TSPAN3: variants seen among roughly 807,000 people sequenced by gnomAD.
TSPAN3 encodes the protein tetraspanin-3.
In TSPAN3, 9 loss-of-function variants were observed where a neutral mutation model predicts 31.1. That is an observed-to-expected ratio of 0.29 (90% CI 0.17 to 0.50). The LOEUF is 0.50. TSPAN3 is among the 20% of genes least tolerant of loss of function. TSPAN3 has a pLI of 0.98. For missense variants in TSPAN3, 252 were observed against 313.5 expected (o/e 0.80, Z 1.48); for synonymous variants, 129 against 114.3 (o/e 1.13, Z -0.82).
At position 77,042,349 on chromosome 15, in the gene TSPAN3, CAAG is replaced by C. The variant is rs1457753503; in HGVS notation, c.*4483_*4485del. On this transcript the variant is annotated 3_prime_UTR_variant, in exon 7 of 7. Coordinates refer to ENST00000267970, the MANE Select transcript of TSPAN3 (RefSeq NM_005724.6). ...CAAGCTCTGTCAATCATCTATAGGA[CAAG>C]AAGCAAAGACACCCCAGCTGCAATA... 1 of 152,176 alleles carries C rather than the reference CAAG, an allele frequency of 6.6e-6. No homozygotes were observed. The highest frequency in any genetic ancestry group is 1.9e-4 in the East Asian group (1 of 5,194). The allele number at this position is 152,176 out of a possible 1,614,324, so 9.4% of individuals were successfully genotyped here.
In TSPAN3 at chr15:77,041,812, T is replaced by C. The variant is rs2076661540; in HGVS notation, c.*5023A>G. 1 of 152,200 alleles carries C rather than the reference T, an allele frequency of 6.6e-6. No homozygotes were observed. The highest frequency in any genetic ancestry group is 2.1e-4 in the South Asian group (1 of 4,836). The allele number at this position is 152,200 out of a possible 1,614,324, so 9.4% of individuals were successfully genotyped here. A position where few individuals can be genotyped will look rare whatever the true frequency, so the allele number is the denominator to read the frequency against. On this transcript the variant is annotated 3_prime_UTR_variant, in exon 7 of 7. Transcript: ENST00000267970. Reference sequence around the variant, plus strand: ...AGATACAGGCAGTGGTTCTATAGCATGGTGAATGTACTCAAGGCAACTTCT... The same window carrying C: ...AGATACAGGCAGTGGTTCTATAGCACGGTGAATGTACTCAAGGCAACTTCT...
In TSPAN3 at chr15:77,054,194, T is replaced by C. The variant is rs748648249; in HGVS notation, c.416A>G (p.Asp139Gly). 1.2e-6 allele frequency: 2 copies of C among 1,613,920 alleles called. No homozygotes were observed. The highest frequency in any genetic ancestry group is 1.7e-6 in the Non-Finnish European group (2 of 1,179,864). ...TNPDAASRAI[D>G]YVQRQLHCCG... The stretch of plus-strand genomic sequence containing the variant: ...AAAGCTCACCTGTCTCTGTACATAA[T>C]CAATAGCCCGGCTAGCAGCATCAGG... Residue 139 changes from aspartate to glycine, a missense_variant, in exon 4 of 7, where the codon GAT becomes GGT. Asp to Gly is a moderately conservative substitution (Grantham distance 94). Transcript: ENST00000267970.
chr15:77,070,400 G>C (rs1174133409), intron 1 of TSPAN3, among the ~76,000 whole-genome samples: 1 of 152,190 alleles, frequency 6.6e-6, no homozygotes, highest in Non-Finnish European at 1.5e-5. Flanking sequence ...CACAAAGGGC[G>C]TTAAGTGGAA....
At position 77,070,895 on chromosome 15, in the gene TSPAN3, G is replaced by A. The variant is rs926058486; in HGVS notation, c.60C>T (p.Phe20=). ...CGCTCTGCCCGGCCCCGCTCACCCA[G>A]AAGATGAGGTTGAGAAAGACCAGCA... ...KTVLVFLNLI[F]WGAAGILCYV... Residue 20 remains phenylalanine, a synonymous_variant, in exon 1 of 7, where the codon TTC becomes TTT. Transcript: ENST00000267970. 9 of 1,402,932 alleles carry A rather than the reference G, an allele frequency of 6.4e-6. No individual in the cohort carries two copies. The African/African-American group carries it at 9.0e-5, about 14-fold the overall frequency. The allele number at this position is 1,402,932 out of a possible 1,614,324, so 86.9% of individuals were successfully genotyped here.
Position 77,053,473 on chromosome 15 carries a change from AAAAAAAAAAAAAAAAAAAAAAG to A in TSPAN3, c.433-566_433-545del, listed in dbSNP as rs1229523537. On this transcript the variant is annotated intron_variant, in intron 4 of 6. Coordinates refer to ENST00000267970, the MANE Select transcript of TSPAN3 (RefSeq NM_005724.6). ...TCTCAAAAAAAAAAAAAAAAAAAAA[AAAAAAAAAAAAAAAAAAAAAAG>A]AAAAGAAAAGTACATTGCCTATAAG... Among the ~76,000 whole-genome samples, 765 of 86,872 alleles carry A rather than the reference AAAAAAAAAAAAAAAAAAAAAAG, an allele frequency of 8.8e-3. 6 individuals are homozygous for A. The highest frequency in any genetic ancestry group is 0.023 in the African/African-American group (700 of 30,354). The allele number at this position is 86,872 out of a possible 152,430, so 57.0% of individuals were successfully genotyped here. A position where few individuals can be genotyped will look rare whatever the true frequency, so the allele number is the denominator to read the frequency against.
chr15:77,052,259 G>C, intron 6 of TSPAN3, 126 bp downstream of exon 6: 1 of 780,166 alleles, frequency 1.3e-6, no homozygotes. Context: ...CTGGAGGCCA[G>C]TACCTCAGTC....
intron 1 of TSPAN3, chr15:77,064,531 C>CA (rs749080033): frequency 2.0e-5 from 3 of 152,122 alleles, no homozygotes; most frequent in Non-Finnish European, 4.4e-5. Context: ...GCTAATAACC[C>CA]ATTCCCTAAA....
intron 4 of TSPAN3, among the ~76,000 whole-genome samples, chr15:77,053,673 G>A (rs575273018): frequency 1.2e-3 from 179 of 152,016 alleles, no homozygotes; most frequent in African/African-American, 4.1e-3. Flanking sequence ...AGTAAGTAGG[G>A]GCAATAAGAC....
At chr15:77,050,121 T>C (rs1210183047) in intron 6 of TSPAN3, among the ~76,000 whole-genome samples, 1 of 152,196 alleles carries the variant, frequency 6.6e-6, no homozygotes. Flanking sequence ...GCACAAAAGC[T>C]CACTGATCTT....
chr15:77,057,698 T>C (rs1412727955), intron 1 of TSPAN3, among the ~76,000 whole-genome samples: 1 of 152,216 alleles, frequency 6.6e-6, no homozygotes, highest in Non-Finnish European at 1.5e-5. Flanking sequence ...CACTTTTTCA[T>C]TCTCTTCACG....
At chr15:77,056,369 C>G in intron 1 of TSPAN3, 114 bp from the exon 2 acceptor site, 2 of 759,926 alleles carry the variant, frequency 2.6e-6, no homozygotes, top group Non-Finnish European at 3.9e-6. Context: ...AGACTTTTTT[C>G]AGTAAAGCTG....
chr15:77,055,919 A>T (rs936696794), intron 2 of TSPAN3, 56 bp from the exon 3 acceptor site: 91 of 1,548,982 alleles, frequency 5.9e-5, no homozygotes, highest in Admixed American at 1.0e-4. Flanking sequence ...CTTTAAATAC[A>T]CTCTTGATTT....
At position 77,070,935 on chromosome 15, in the gene TSPAN3, G is replaced by A. The variant is rs1217712966; in HGVS notation, c.20C>T (p.Thr7Ile). ...AAAGACCAGCACGGTCTTGGAGGAG[G>A]TGATGCCGCACTGGCCCATGGCGCC... The part of the protein sequence containing the change: MGQCGI[T>I]SSKTVLVFLN... Residue 7 changes from threonine (T) to isoleucine (I), a missense_variant, in exon 1 of 7, where the codon ACC becomes ATC. Transcript: ENST00000267970. The A allele has an allele frequency of 2.1e-5, 31 of 1,446,440 alleles. No individual in the cohort carries two copies. The highest frequency in any genetic ancestry group is 2.7e-5 in the Non-Finnish European group (30 of 1,092,234). 89.6% of individuals were successfully genotyped at this position (1,446,440 alleles called of 1,614,324 possible). A position where few individuals can be genotyped will look rare whatever the true frequency, so the allele number is the denominator to read the frequency against.
In TSPAN3 at chr15:77,042,777, T is replaced by C. The variant is rs1208596104; in HGVS notation, c.*4058A>G. The C allele has an allele frequency of 6.6e-6, 1 of 151,996 alleles. No homozygotes were observed. The highest frequency in any genetic ancestry group is 2.4e-5 in the African/African-American group (1 of 41,374). 9.4% of individuals were successfully genotyped at this position (151,996 alleles called of 1,614,324 possible). ...GGTCGGGGAATGGGGAAGAGTCTCA[T>C]GAGGAACAGGGTATGTACATGGAGA... On this transcript the variant is annotated 3_prime_UTR_variant, in exon 7 of 7. Coordinates refer to ENST00000267970, the MANE Select transcript of TSPAN3 (RefSeq NM_005724.6).
intron 1 of TSPAN3, among the ~76,000 whole-genome samples, chr15:77,059,006 G>A (rs895161188): frequency 6.6e-6 from 1 of 152,340 alleles, no homozygotes; most frequent in Non-Finnish European, 1.5e-5. Flanking sequence ...TTGGGGCATG[G>A]TACTAGAGAA....
chr15:77,057,654 C>T (rs2076775960), intron 1 of TSPAN3, among the ~76,000 whole-genome samples: 1 of 152,288 alleles, frequency 6.6e-6, no homozygotes, highest in South Asian at 2.1e-4. Flanking sequence ...CAAGAGGCCC[C>T]ACTGCTGGTT....
chr15:77,053,974 TAAA>T (rs998323122), intron 4 of TSPAN3, among the ~76,000 whole-genome samples: 1 of 151,870 alleles, frequency 6.6e-6, no homozygotes, highest in Non-Finnish European at 1.5e-5. Context: ...AATCAGATGA[TAAA>T]AAAAAGTTCA....
Position 77,070,964 on chromosome 15 carries a change from G to A in TSPAN3, c.-10C>T. ...TGCCGCACTGGCCCATGGCGCCGGT[G>A]GCCCGCGAAGGCCCGGCCCGGAGAG... On this transcript the variant is annotated 5_prime_UTR_variant, in exon 1 of 7. Coordinates refer to ENST00000267970, the MANE Select transcript of TSPAN3 (RefSeq NM_005724.6). 2 of 1,424,534 alleles carry A rather than the reference G, an allele frequency of 1.4e-6. No individual in the cohort carries two copies. The highest frequency in any genetic ancestry group is 9.2e-7 in the Non-Finnish European group (1 of 1,082,028). The allele number at this position is 1,424,534 out of a possible 1,614,324, so 88.2% of individuals were successfully genotyped here. A position where few individuals can be genotyped will look rare whatever the true frequency, so the allele number is the denominator to read the frequency against.
At chr15:77,063,640 C>T (rs1406627030) in intron 1 of TSPAN3, 1 of 152,182 alleles carries the variant, frequency 6.6e-6, no homozygotes, top group East Asian at 1.9e-4. Context: ...AAAGGTCATG[C>T]TCCTCAATTC....
Sources: allele counts gnomAD v4.1 joint callset (sites outside exome capture counted in the v4.1 genomes callset), GRCh38; gene constraint gnomAD v4.1.1; transcripts MANE v1.5; gene names NCBI Gene and HGNC (gene_info 2026-07-23, HGNC 2026-07-21).